Variants in DNAH9 observed in about 807,000 individuals in gnomAD.
DNAH9 encodes the protein DNAH9 variant protein.
DNAH9 carries 345 observed loss-of-function variants against 471.6 expected under a neutral mutation model. The ratio of observed to expected loss-of-function variants is 0.73; its 90% CI spans 0.67 to 0.80. DNAH9 has a LOEUF of 0.80. DNAH9 is among the 30% of genes least tolerant of loss of function. DNAH9 has a pLI of 0.00. For synonymous variants in DNAH9, 2,093 were observed against 2,123.6 expected, an observed-to-expected ratio of 0.99 and a Z score of 0.40; for missense variants, 5,407 against 5,609.2, an observed-to-expected ratio of 0.96 and a Z score of 1.15.
At chr17:11,950,625 CAA>C (rs1491402429) in intron 67 of DNAH9, among the ~76,000 whole-genome samples, 1 of 152,166 alleles carries the variant, frequency 6.6e-6, no homozygotes, top group Non-Finnish European at 1.5e-5. Context: ...CGCCTTGACC[CAA>C]AGTGTTGGAA....
chr17:11,863,520 A>T (rs1052570985), intron 50 of DNAH9, among the ~76,000 whole-genome samples: 1 of 152,136 alleles, frequency 6.6e-6, no homozygotes, highest in East Asian at 1.9e-4. Flanking sequence ...TGGTATCAGG[A>T]TGATGCTGGC....
At position 11,879,841 on chromosome 17, in the gene DNAH9, A is replaced by G. The variant is rs183728299; in HGVS notation, c.10479-237A>G. On this transcript the variant is annotated intron_variant, in intron 53 of 68. Coordinates refer to ENST00000262442, the MANE Select transcript of DNAH9 (RefSeq NM_001372.4). ...GTATACACCAAAACGTTGAAGACAC[A>G]TTATGGTTTTCATTATCTTTTTTGT... Among the ~76,000 whole-genome samples, 97 of 152,350 alleles carry G rather than the reference A, an allele frequency of 6.4e-4. 1 individual carries two copies. Among genetic ancestry groups the G allele is most frequent in the African/African-American group, 2.2e-3 (93 of 41,580 alleles).
intron 43 of DNAH9, among the ~76,000 whole-genome samples, chr17:11,802,465 C>G (rs1030156476): frequency 3.3e-5 from 5 of 152,034 alleles, no homozygotes; most frequent in African/African-American, 9.7e-5. Flanking sequence ...CCCATCTCTA[C>G]TAAAAATACC....
chr17:11,897,697 G>A (rs925305279), intron 59 of DNAH9, among the ~76,000 whole-genome samples: 3 of 152,188 alleles, frequency 2.0e-5, no homozygotes, highest in African/African-American at 4.8e-5. Flanking sequence ...CTGACATGTT[G>A]TCTTATTCCT....
intron 29 of DNAH9, among the ~76,000 whole-genome samples, chr17:11,741,279 A>T (rs996530168): frequency 1.3e-5 from 2 of 152,202 alleles, no homozygotes; most frequent in African/African-American, 4.8e-5. Context: ...TTAAAATCAG[A>T]TGTTTTTAGT....
intron 48 of DNAH9, among the ~76,000 whole-genome samples, chr17:11,832,542 A>C (rs1970714265): frequency 6.6e-6 from 1 of 152,230 alleles, no homozygotes; most frequent in Non-Finnish European, 1.5e-5. Context: ...TGAATGTAAG[A>C]CAAGTTCTAG....
chr17:11,923,792 G>A, intron 61 of DNAH9, 22 bp from the exon 62 acceptor site: 3 of 1,611,898 alleles, frequency 1.9e-6, no homozygotes, highest in Non-Finnish European at 2.5e-6. Context: ...AAATAATAAT[G>A]ACGCCTCCAT....
intron 67 of DNAH9, among the ~76,000 whole-genome samples, chr17:11,961,053 G>C (rs1976112722): frequency 6.6e-6 from 1 of 152,182 alleles, no homozygotes; most frequent in Non-Finnish European, 1.5e-5. Context: ...GGTGGCTCAT[G>C]CCTGTAATCC....
intron 59 of DNAH9, among the ~76,000 whole-genome samples, chr17:11,896,819 G>A (rs764863858): frequency 1.3e-5 from 2 of 152,176 alleles, no homozygotes; most frequent in Non-Finnish European, 1.5e-5. Context: ...GACTGGGCAC[G>A]GTGGCTCACG....
chr17:11,659,066 C>T (rs1052590686), intron 14 of DNAH9, among the ~76,000 whole-genome samples: 3 of 151,908 alleles, frequency 2.0e-5, no homozygotes, highest in African/African-American at 7.3e-5. Flanking sequence ...TTGGTCTTAA[C>T]TCAACCTTAA....
chr17:11,765,583 T>C (rs923311803), intron 36 of DNAH9, among the ~76,000 whole-genome samples: 2 of 152,184 alleles, frequency 1.3e-5, no homozygotes, highest in African/African-American at 4.8e-5. Flanking sequence ...CTTTCTCTAC[T>C]GCCCTCCCCA....
At chr17:11,900,465 C>T (rs1973371227) in intron 59 of DNAH9, among the ~76,000 whole-genome samples, 1 of 138,240 alleles carries the variant, frequency 7.2e-6, no homozygotes, top group South Asian at 2.3e-4. Flanking sequence ...CACACTCTCC[C>T]TCCTCCAGGC....
At chr17:11,858,417 A>C (rs1254587135) in intron 50 of DNAH9, among the ~76,000 whole-genome samples, 2 of 152,222 alleles carry the variant, frequency 1.3e-5, no homozygotes, top group African/African-American at 4.8e-5. Flanking sequence ...AGGTACTTTT[A>C]CGTAAAAATC....
At chr17:11,939,443 T>G (rs1446687787) in intron 66 of DNAH9, among the ~76,000 whole-genome samples, 1 of 152,218 alleles carries the variant, frequency 6.6e-6, no homozygotes, top group African/African-American at 2.4e-5. Flanking sequence ...TGATATGAAC[T>G]GTGATCACTT....
chr17:11,888,012 T>G (rs761099495), intron 57 of DNAH9, among the ~76,000 whole-genome samples: 1 of 151,500 alleles, frequency 6.6e-6, no homozygotes, highest in Non-Finnish European at 1.5e-5. Flanking sequence ...AGAGGGAGTC[T>G]CGCTTTGTTG....
At chr17:11,876,382 C>T (rs1314551045) in intron 53 of DNAH9, among the ~76,000 whole-genome samples, 1 of 151,660 alleles carries the variant, frequency 6.6e-6, no homozygotes, top group African/African-American at 2.4e-5. Context: ...GCTTATGTAC[C>T]CCATAAATAT....
rs1025192208 is a variant in DNAH9 at position 11,760,387 on chromosome 17, G to A, written c.6995+2695G>A. 4.6e-5 allele frequency among the ~76,000 whole-genome samples: 7 copies of A among 152,022 alleles called. No homozygotes were observed. In the South Asian group the frequency reaches 6.2e-4, roughly 14 times the overall value. The stretch of plus-strand genomic sequence containing the variant: ...GTGTCTTTGTTTGTGCATGTGTGCC[G>A]GTGCATGCACAAGCCTTTGAAACAG... On this transcript the variant is annotated intron_variant, in intron 35 of 68. Transcript: ENST00000262442.
chr17:11,905,301 C>A (rs1973556580), intron 60 of DNAH9, among the ~76,000 whole-genome samples: 1 of 151,558 alleles, frequency 6.6e-6, no homozygotes, highest in Admixed American at 6.6e-5. Flanking sequence ...TGGTAGATAG[C>A]AGGGAGAGAG....
At chr17:11,607,541 G>T (rs557695476) in intron 1 of DNAH9, among the ~76,000 whole-genome samples, 1 of 152,008 alleles carries the variant, frequency 6.6e-6, no homozygotes, top group Admixed American at 6.6e-5. Context: ...ACTGTGCCTC[G>T]TCCTCTTGAT....
Sources: allele counts gnomAD v4.1 joint callset (sites outside exome capture counted in the v4.1 genomes callset), GRCh38; gene constraint gnomAD v4.1.1; transcripts MANE v1.5; gene names NCBI Gene and HGNC (gene_info 2026-07-23, HGNC 2026-07-21).